Variants in CEP162 observed in about 807,000 individuals in gnomAD.
CEP162 encodes the protein centrosomal protein 162, also known as centrosomal protein of 162 kDa.
Under a neutral mutation model 169.2 loss-of-function variants are expected in CEP162, and 141 were observed. The ratio of observed to expected loss-of-function variants is 0.83; its 90% CI spans 0.73 to 0.96. The LOEUF is 0.96. Ranked by LOEUF, CEP162 falls within the 40% of genes least tolerant of loss-of-function variation. The probability of loss-of-function intolerance (pLI) is 0.00; values close to 1 mark genes in which losing one functional copy is unlikely to be tolerated. For synonymous variants in CEP162, 540 were observed against 526.4 expected (o/e 1.03, Z -0.35); for missense variants, 1,600 against 1,587.2 (o/e 1.01, Z -0.14).
rs560842687 is a variant in CEP162 at position 84,152,578 on chromosome 6, G to A, written c.3596C>T (p.Ala1199Val). The A allele has an allele frequency of 7.2e-6, 11 of 1,535,220 alleles. No individual in the cohort carries two copies. The African/African-American group carries it at 1.2e-4, about 17-fold the overall frequency. ...EKNELKMKSEAVMNQFENSMR... is the reference protein window; with the variant it reads ...EKNELKMKSEVVMNQFENSMR... ...GGAGTTTTCAAATTGATTCATCACT[G>A]CTTCAGATTTCATCTTCAGTTCATT... Residue 1199 changes from alanine to valine, a missense_variant, in exon 23 of 27, where the codon GCA (alanine) becomes GTA (valine). Coordinates refer to ENST00000403245, the MANE Select transcript of CEP162 (RefSeq NM_014895.4).
intron 11 of CEP162, among the ~76,000 whole-genome samples, chr6:84,193,253 A>G (rs1264162539): frequency 2.0e-5 from 3 of 152,244 alleles, no homozygotes; most frequent in Non-Finnish European, 4.4e-5. Flanking sequence ...ACTAAGTCAA[A>G]ACTAACTGGT....
chr6:84,182,905 GTATAT>G (rs371366489), intron 13 of CEP162, among the ~76,000 whole-genome samples: 16 of 152,078 alleles, frequency 1.1e-4, no homozygotes, highest in African/African-American at 3.9e-4. Flanking sequence ...ACTGCATTCT[GTATAT>G]TTTCTGAACA....
In CEP162 at chr6:84,154,421, T is replaced by C. The variant is rs181833367; in HGVS notation, c.2994+877A>G. On this transcript the variant is annotated intron_variant, in intron 22 of 26. Coordinates refer to ENST00000403245, the MANE Select transcript of CEP162 (RefSeq NM_014895.4). ...CTATGTATCTATCTGTAAAACAGGG[T>C]GGAATAGAAGAAACCCAACCTCCTT... Among the ~76,000 whole-genome samples, 691 of 151,978 alleles carry C rather than the reference T, an allele frequency of 4.5e-3. 9 individuals are homozygous for C. Among genetic ancestry groups the C allele is most frequent in the African/African-American group, 0.016 (659 of 41,404 alleles).
chr6:84,149,746 T>G, intron 23 of CEP162, 43 bp from the exon 24 acceptor site: 1 of 1,432,920 alleles, frequency 7.0e-7, no homozygotes, highest in Non-Finnish European at 9.2e-7. Flanking sequence ...AAGTGGCTCT[T>G]CAACCTCTAA....
chr6:84,181,718 C>A (rs1211241853), intron 13 of CEP162, among the ~76,000 whole-genome samples: 1 of 152,062 alleles, frequency 6.6e-6, no homozygotes, highest in Non-Finnish European at 1.5e-5. Flanking sequence ...GAAGAGCATT[C>A]AGTCTCTTTA....
chr6:84,139,114 A>C (rs1294572653), intron 25 of CEP162, among the ~76,000 whole-genome samples: 1 of 152,228 alleles, frequency 6.6e-6, no homozygotes, highest in Non-Finnish European at 1.5e-5. Flanking sequence ...AATCAAATGG[A>C]AGAAAAGCTC....
chr6:84,196,952 A>C (rs919385666), intron 9 of CEP162, among the ~76,000 whole-genome samples: 2 of 152,238 alleles, frequency 1.3e-5, no homozygotes, highest in Admixed American at 1.3e-4. Flanking sequence ...GAGATTTTCA[A>C]GAGGACATGA....
At chr6:84,224,315 C>G (rs1027818169) in intron 2 of CEP162, among the ~76,000 whole-genome samples, 2 of 152,154 alleles carry the variant, frequency 1.3e-5, no homozygotes, top group African/African-American at 4.8e-5. Context: ...AATACAATTT[C>G]TATGAAATGT....
At chr6:84,209,032 T>C (rs77542114) in intron 6 of CEP162, among the ~76,000 whole-genome samples, 6 of 152,252 alleles carry the variant, frequency 3.9e-5, no homozygotes, top group Non-Finnish European at 7.4e-5. Flanking sequence ...TGGGAACTAA[T>C]AGGAGGCGCT....
intron 25 of CEP162, among the ~76,000 whole-genome samples, chr6:84,139,398 G>A (rs779985710): frequency 2.6e-5 from 4 of 152,246 alleles, no homozygotes; most frequent in Non-Finnish European, 4.4e-5. Context: ...TTTTCATGAG[G>A]TTTCTCCTGT....
At chr6:84,172,115 A>G (rs929931922) in intron 16 of CEP162, among the ~76,000 whole-genome samples, 14 of 130,506 alleles carry the variant, frequency 1.1e-4, no homozygotes, top group South Asian at 2.1e-4. Flanking sequence ...AAGAGAGGGG[A>G]AAAAAAAAAT....
At chr6:84,168,255 C>A (rs2099528618) in intron 18 of CEP162, among the ~76,000 whole-genome samples, 1 of 152,082 alleles carries the variant, frequency 6.6e-6, no homozygotes, top group African/African-American at 2.4e-5. Context: ...TTGAGGCCCA[C>A]TGAAAAGGAG....
In CEP162 at chr6:84,193,631, C is replaced by A; in HGVS notation, c.1087G>T (p.Gly363Cys). 1 of 1,562,472 alleles carries A rather than the reference C, an allele frequency of 6.4e-7. No homozygotes were observed. The highest frequency in any genetic ancestry group is 8.7e-7 in the Non-Finnish European group (1 of 1,151,896). ...TACCTGACAGGTTGTAAATCAAAAC[C>A]ACTGATCCCAAAGGAATCTATTCTG... Reference protein sequence around the residue: ...PIRIDSFGISGFDLQPVSSEK... With the variant: ...PIRIDSFGISCFDLQPVSSEK... Residue 363 changes from glycine to cysteine, a missense_variant, in exon 11 of 27, where the codon GGT (glycine) becomes TGT (cysteine). Coordinates refer to ENST00000403245, the MANE Select transcript of CEP162 (RefSeq NM_014895.4).
Position 84,201,679 on chromosome 6 carries a change from G to A in CEP162, c.718+58C>T, listed in dbSNP as rs2127733226. The A allele has an allele frequency of 4.6e-6, 4 of 861,546 alleles. No homozygotes were observed. In the East Asian group the frequency reaches 1.1e-4, roughly 25 times the overall value. The allele number at this position is 861,546 out of a possible 1,614,324, so 53.4% of individuals were successfully genotyped here. On this transcript the variant is annotated intron_variant, in intron 8 of 26. Transcript: ENST00000403245. ...GTGACTCATTCAGAATTACTGAGATGAAATTCTGAACAGACTAATTTTTTG... is the reference window on the plus strand; with the variant it reads ...GTGACTCATTCAGAATTACTGAGATAAAATTCTGAACAGACTAATTTTTTG...
At chr6:84,148,092 G>A (rs916962104) in intron 24 of CEP162, among the ~76,000 whole-genome samples, 3 of 152,046 alleles carry the variant, frequency 2.0e-5, no homozygotes, top group Admixed American at 2.0e-4. Context: ...GCTTATAGTT[G>A]CCCTCTGACA....
chr6:84,208,703 CTA>C (rs2099548283), intron 6 of CEP162, among the ~76,000 whole-genome samples: 2 of 152,174 alleles, frequency 1.3e-5, no homozygotes, highest in Admixed American at 1.3e-4. Context: ...AGTTGGTTAA[CTA>C]TGTCAATATT....
At chr6:84,201,792 A>G in intron 7 of CEP162, 25 bp from the exon 8 acceptor site, 1 of 1,243,686 alleles carries the variant, frequency 8.0e-7, no homozygotes, top group Non-Finnish European at 1.1e-6. Context: ...GAAAATGATG[A>G]TATGTTTTGA....
At chr6:84,153,367 T>C (rs2099521868) in intron 22 of CEP162, among the ~76,000 whole-genome samples, 188 bp from the exon 23 acceptor site, 1 of 152,206 alleles carries the variant, frequency 6.6e-6, no homozygotes, top group African/African-American at 2.4e-5. Context: ...CATAACATTA[T>C]ATATTCTTGA....
chr6:84,208,621 T>C (rs2099548234), intron 6 of CEP162, among the ~76,000 whole-genome samples: 1 of 152,234 alleles, frequency 6.6e-6, no homozygotes, highest in South Asian at 2.1e-4. Context: ...CAGAAACATC[T>C]ACATTTTAGT....
Sources: gnomAD v4.1 joint callset for allele counts (sites outside exome capture counted in the v4.1 genomes callset) on GRCh38, gnomAD v4.1.1 for gene constraint, MANE v1.5 for transcripts, NCBI Gene and HGNC (gene_info 2026-07-23, HGNC 2026-07-21) for gene names.